Variants in ZMYND11 observed in about 807,000 individuals in gnomAD.
The protein encoded by ZMYND11 is zinc finger MYND domain-containing protein 11.
In ZMYND11, 9 loss-of-function variants were observed where a neutral mutation model predicts 84.9. That is an observed-to-expected ratio of 0.11 (90% CI 0.06 to 0.18). The LOEUF (loss-of-function observed/expected upper bound fraction) is 0.18. Among genes scored for constraint, ZMYND11 ranks in the 10% least tolerant of loss-of-function variants. The pLI is 1.00. For synonymous variants in ZMYND11, 250 were observed against 244.1 expected (o/e 1.02, Z -0.23); for missense variants, 409 against 761.0 (o/e 0.54, Z 5.44).
At chr10:146,247 A>G (rs1838799275) in intron 1 of ZMYND11, among the ~76,000 whole-genome samples, 2 of 152,018 alleles carry the variant, frequency 1.3e-5, no homozygotes. Flanking sequence ...GTCTACTTTT[A>G]TATCAGTACC....
At chr10:131,371 C>A (rs1308830736), upstream of ZMYND11, among the ~76,000 whole-genome samples, 1 of 152,130 alleles carries the variant, frequency 6.6e-6, no homozygotes, top group Non-Finnish European at 1.5e-5. Flanking sequence ...GCTATGGAGC[C>A]CTGAAGAGAT....
At chr10:189,953 A>G (rs1392616114) in intron 2 of ZMYND11, among the ~76,000 whole-genome samples, 2 of 152,144 alleles carry the variant, frequency 1.3e-5, no homozygotes, top group African/African-American at 4.8e-5. Context: ...GAGTCAAAGC[A>G]TAGACTGTCT....
chr10:153,995 C>T (rs1841053168), intron 1 of ZMYND11, among the ~76,000 whole-genome samples: 1 of 152,186 alleles, frequency 6.6e-6, no homozygotes, highest in African/African-American at 2.4e-5. Flanking sequence ...GTTTTCCTGA[C>T]CCTGTGTAAA....
chr10:164,518 T>C (rs1364486224), intron 1 of ZMYND11, among the ~76,000 whole-genome samples: 1 of 152,174 alleles, frequency 6.6e-6, no homozygotes, highest in Admixed American at 6.5e-5. Context: ...CAGCCACCAA[T>C]TGGGGATTGC....
intron 2 of ZMYND11, among the ~76,000 whole-genome samples, chr10:198,288 A>G (rs936568967): frequency 2.6e-5 from 4 of 152,156 alleles, no homozygotes; most frequent in Non-Finnish European, 5.9e-5. Flanking sequence ...GTTTTACTTT[A>G]CCAGTTTAAA....
chr10:167,049 A>C lies in ZMYND11; in HGVS notation c.-19-12945A>C, dbSNP rs1331548611. 2.0e-5 allele frequency among the ~76,000 whole-genome samples: 3 copies of C among 152,170 alleles called. No homozygotes were observed. In the East Asian group the frequency reaches 5.8e-4, roughly 29 times the overall value. On this transcript the variant is annotated intron_variant, in intron 1 of 14. Transcript: ENST00000381604. ...GAAATATCTAGGCATATTAATAGAT[A>C]CAGAAAGTGGATTTGAGGATGCTAG...
intron 2 of ZMYND11, among the ~76,000 whole-genome samples, chr10:199,095 C>T (rs1942474736): frequency 1.3e-5 from 2 of 152,188 alleles, no homozygotes; most frequent in Non-Finnish European, 2.9e-5. Context: ...TTCTGAGCCT[C>T]TCACTTGCCT....
At chr10:239,248 A>G (rs1226449627) in intron 6 of ZMYND11, among the ~76,000 whole-genome samples, 190 bp from the exon 7 acceptor site, 2 of 152,208 alleles carry the variant, frequency 1.3e-5, no homozygotes, top group East Asian at 1.9e-4. Flanking sequence ...GCCATGCTTC[A>G]TTATACTATA....
intron 2 of ZMYND11, among the ~76,000 whole-genome samples, chr10:203,913 A>G (rs1348700900): frequency 6.6e-6 from 1 of 152,166 alleles, no homozygotes; most frequent in African/African-American, 2.4e-5. Flanking sequence ...TATAGAGCTT[A>G]TGTCATCTTA....
intron 1 of ZMYND11, among the ~76,000 whole-genome samples, chr10:143,967 G>A (rs1554754581): frequency 6.7e-6 from 1 of 148,768 alleles, no homozygotes; most frequent in Non-Finnish European, 1.5e-5. Flanking sequence ...TCATGCCACT[G>A]CACTACAGCC....
Position 149,285 on chromosome 10 carries a change from G to GTTATTATTATTA in ZMYND11, c.-20+13756_-20+13767dup, listed in dbSNP as rs61508487. Among the ~76,000 whole-genome samples the GTTATTATTATTA allele has an allele frequency of 4.8e-3, 674 of 139,298 alleles. 6 individuals carry two copies. Among genetic ancestry groups the GTTATTATTATTA allele is most frequent in the East Asian group, 0.012 (55 of 4,708 alleles). 91.4% of individuals were successfully genotyped at this position (139,298 alleles called of 152,430 possible). A position where few individuals can be genotyped will look rare whatever the true frequency, so the allele number is the denominator to read the frequency against. ...TGTGAGGCAGAACACTGAGGTGGTT[G>GTTATTATTATTA]TTATTATTATTATTATTATTATTAT... On this transcript the variant is annotated intron_variant, in intron 1 of 14. Coordinates refer to ENST00000381604, the MANE Select transcript of ZMYND11 (RefSeq NM_001370100.5).
chr10:187,322 G>A (rs1938902040), intron 2 of ZMYND11, among the ~76,000 whole-genome samples: 1 of 152,196 alleles, frequency 6.6e-6, no homozygotes, highest in South Asian at 2.1e-4. Context: ...CTGCTAAGAT[G>A]TTTTGAATAT....
chr10:203,999 T>C (rs1424237329), intron 2 of ZMYND11, among the ~76,000 whole-genome samples: 1 of 152,164 alleles, frequency 6.6e-6, no homozygotes, highest in East Asian at 1.9e-4. Context: ...ATTTAACCAG[T>C]CCCCTAAGAT....
At chr10:210,076 G>A in intron 3 of ZMYND11, 28 bp downstream of exon 3, 2 of 1,610,000 alleles carry the variant, frequency 1.2e-6, no homozygotes, top group South Asian at 1.1e-5. Flanking sequence ...GATAAACATA[G>A]AGATGTGAAC....
intron 4 of ZMYND11, among the ~76,000 whole-genome samples, chr10:230,018 GAA>G (rs1948728967): frequency 6.6e-6 from 1 of 152,116 alleles, no homozygotes; most frequent in Non-Finnish European, 1.5e-5. Flanking sequence ...TTATCTAAGA[GAA>G]TTTATTTTGA....
At chr10:135,056 C>G (rs1835581642), upstream of ZMYND11, 1 of 149,118 alleles carries the variant, frequency 6.7e-6, no homozygotes, top group Non-Finnish European at 1.5e-5. The surrounding 1 kb of genome is among the most constrained non-coding windows in gnomAD (Gnocchi z 5.6). Context: ...GGCCGAGGGG[C>G]CGGTGGGGCC....
chr10:197,236 A>G (rs923567002), intron 2 of ZMYND11, among the ~76,000 whole-genome samples: 3 of 149,056 alleles, frequency 2.0e-5, no homozygotes, highest in East Asian at 2.0e-4. Flanking sequence ...ATGTGTATCA[A>G]TACATACGCA....
At chr10:171,587 T>C (rs1554765735) in intron 1 of ZMYND11, among the ~76,000 whole-genome samples, 2 of 152,164 alleles carry the variant, frequency 1.3e-5, no homozygotes, top group Non-Finnish European at 1.5e-5. Context: ...TGAGGAACTT[T>C]TAAATATTTG....
intron 8 of ZMYND11, 97 bp downstream of exon 8, chr10:240,208 T>TAAAA (rs1950639540): frequency 9.0e-7 from 1 of 1,106,616 alleles, no homozygotes; most frequent in Non-Finnish European, 1.3e-6. Context: ...TGCCATTTCC[T>TAAAA]TTAAATGTCT....
Sources: allele counts gnomAD v4.1 joint callset (sites outside exome capture counted in the v4.1 genomes callset), GRCh38; gene constraint gnomAD v4.1.1; non-coding constraint Gnocchi (gnomAD v3.1); transcripts MANE v1.5; gene names NCBI Gene and HGNC (gene_info 2026-07-23, HGNC 2026-07-21).